RASEF: variants seen among roughly 807,000 people sequenced by gnomAD.
RASEF encodes the protein RAS and EF-hand domain containing.
Under a neutral mutation model 90.1 loss-of-function variants are expected in RASEF, and 68 were observed. The ratio of observed to expected loss-of-function variants is 0.75; its 90% CI spans 0.62 to 0.92. RASEF has a LOEUF of 0.92. Ranked by LOEUF, RASEF falls within the 40% of genes least tolerant of loss-of-function variation. The probability of loss-of-function intolerance (pLI) is 0.00; values close to 1 mark genes in which losing one functional copy is unlikely to be tolerated. For synonymous variants in RASEF, 331 were observed against 345.2 expected, an observed-to-expected ratio of 0.96 and a Z score of 0.46; for missense variants, 949 against 937.2, an observed-to-expected ratio of 1.01 and a Z score of -0.16.
At chr9:83,146,496 A>C in the RASEF span, among the ~76,000 whole-genome samples, 3 of 152,188 alleles carry the variant, frequency 2.0e-5, no homozygotes, top group African/African-American at 7.2e-5. Context: ...GCAAGAAAGA[A>C]TCCAATATTT....
chr9:83,104,677 C>T, the RASEF span, among the ~76,000 whole-genome samples: 1 of 152,198 alleles, frequency 6.6e-6, no homozygotes, highest in East Asian at 1.9e-4. Context: ...TTTGCCTCAT[C>T]TGACCCAATT....
At chr9:82,984,568 G>A (rs1828678031) in intron 16 of RASEF, among the ~76,000 whole-genome samples, 1 of 152,184 alleles carries the variant, frequency 6.6e-6, no homozygotes, top group Non-Finnish European at 1.5e-5. Context: ...GGAGATGGGT[G>A]AGTAGTACTA....
At chr9:83,128,757 C>G in the RASEF span, among the ~76,000 whole-genome samples, 4 of 152,144 alleles carry the variant, frequency 2.6e-5, no homozygotes, top group African/African-American at 9.7e-5. Flanking sequence ...TGGGGCACAA[C>G]CAGCCCAGCC....
At chr9:83,097,583 T>C in the RASEF span, among the ~76,000 whole-genome samples, 1 of 152,184 alleles carries the variant, frequency 6.6e-6, no homozygotes. Flanking sequence ...CATCAACAAG[T>C]GGGCGAAGGA....
the RASEF span, among the ~76,000 whole-genome samples, chr9:83,168,664 A>T: frequency 5.3e-5 from 8 of 152,186 alleles, no homozygotes. Context: ...ATCTGAATAG[A>T]TATTTCTCAA....
At position 83,060,506 on chromosome 9, in the gene RASEF, G is replaced by A. The variant is rs1048608128; in HGVS notation, c.431+1931C>T. Among the ~76,000 whole-genome samples, 29 of 152,312 alleles carry A rather than the reference G, an allele frequency of 1.9e-4. No individual in the cohort carries two copies. The East Asian group carries it at 5.2e-3, about 27-fold the overall frequency. On this transcript the variant is annotated intron_variant, in intron 1 of 16. Coordinates refer to ENST00000376447, the MANE Select transcript of RASEF (RefSeq NM_152573.4). The stretch of plus-strand genomic sequence containing the variant: ...CCTTCTCTTTGTCCCCAGCAACCTA[G>A]GACAGTACCTAAGCCAGTATTTGGC...
intron 1 of RASEF, among the ~76,000 whole-genome samples, chr9:83,043,296 G>A (rs1829872768): frequency 6.6e-6 from 1 of 152,058 alleles, no homozygotes; most frequent in Non-Finnish European, 1.5e-5. Flanking sequence ...AAACATCATG[G>A]TGACTGAAAG....
At chr9:83,185,974 G>A in the RASEF span, among the ~76,000 whole-genome samples, 5 of 152,120 alleles carry the variant, frequency 3.3e-5, no homozygotes, top group African/African-American at 4.8e-5. Flanking sequence ...GGGTGGCGGG[G>A]GGGGCAAGGG....
intron 16 of RASEF, among the ~76,000 whole-genome samples, chr9:82,985,059 T>C (rs964208863): frequency 3.3e-5 from 5 of 152,324 alleles, no homozygotes; most frequent in Middle Eastern, 3.4e-3. Flanking sequence ...CATAAGAGCT[T>C]GGCCTGATTG....
chr9:83,188,390 T>C, the RASEF span, among the ~76,000 whole-genome samples: 3 of 152,238 alleles, frequency 2.0e-5, no homozygotes, highest in African/African-American at 7.2e-5. Context: ...TCAAATATTG[T>C]TTTGTCTGCT....
At chr9:83,104,170 A>T in the RASEF span, among the ~76,000 whole-genome samples, 1 of 152,200 alleles carries the variant, frequency 6.6e-6, no homozygotes, top group Admixed American at 6.5e-5. Flanking sequence ...TGATCTTAAT[A>T]TCAATGAATT....
intron 2 of RASEF, 121 bp from the exon 3 acceptor site, chr9:83,022,547 A>C (rs185831882): frequency 2.8e-5 from 19 of 686,622 alleles, no homozygotes; most frequent in Non-Finnish European, 4.8e-5. Flanking sequence ...CACCCCATTC[A>C]AAATGATTTC....
At chr9:83,114,683 T>A in the RASEF span, among the ~76,000 whole-genome samples, 1 of 152,142 alleles carries the variant, frequency 6.6e-6, no homozygotes, top group African/African-American at 2.4e-5. Context: ...AGCGGTGGGA[T>A]GAAATAAGCC....
At chr9:83,028,311 C>T (rs949625677) in intron 1 of RASEF, among the ~76,000 whole-genome samples, 7 of 152,342 alleles carry the variant, frequency 4.6e-5, no homozygotes, top group East Asian at 1.9e-4. Context: ...CAACTTCTGT[C>T]TCCTGCCCCT....
chr9:83,011,135 T>C (rs956697291), intron 5 of RASEF, among the ~76,000 whole-genome samples: 3 of 152,122 alleles, frequency 2.0e-5, no homozygotes, highest in African/African-American at 7.2e-5. Flanking sequence ...TATGCCGAAA[T>C]GAGGATGAAA....
chr9:83,113,459 C>A, the RASEF span, among the ~76,000 whole-genome samples: 2 of 152,142 alleles, frequency 1.3e-5, no homozygotes, highest in Non-Finnish European at 2.9e-5. Flanking sequence ...TTTCAGGGAA[C>A]AAGGGAAGAT....
chr9:83,043,262 A>G (rs1380860596), intron 1 of RASEF, among the ~76,000 whole-genome samples: 1 of 152,232 alleles, frequency 6.6e-6, no homozygotes, highest in Non-Finnish European at 1.5e-5. Flanking sequence ...CAGTGAAAAT[A>G]AAAGTTTTAA....
chr9:83,078,845 T>A, the RASEF span, among the ~76,000 whole-genome samples: 1 of 152,226 alleles, frequency 6.6e-6, no homozygotes, highest in Non-Finnish European at 1.5e-5. Flanking sequence ...CACATATATG[T>A]CTTCTTTTGA....
the RASEF span, among the ~76,000 whole-genome samples, chr9:83,118,591 G>A: frequency 1.4e-4 from 21 of 152,050 alleles, no homozygotes; most frequent in Non-Finnish European, 2.4e-4. Context: ...GTCCATATGA[G>A]ATATGCAGGG....
Sources: gnomAD v4.1 joint callset for allele counts (sites outside exome capture counted in the v4.1 genomes callset) on GRCh38, gnomAD v4.1.1 for gene constraint, MANE v1.5 for transcripts, NCBI Gene and HGNC (gene_info 2026-07-23, HGNC 2026-07-21) for gene names.